GPALPP1: variants seen among roughly 807,000 people sequenced by gnomAD.
GPALPP1 encodes the protein GPALPP motifs-containing protein 1.
GPALPP1 carries 30 observed loss-of-function variants against 38.9 expected under a neutral mutation model. The ratio of observed to expected loss-of-function variants is 0.77; its 90% confidence interval spans 0.58 to 1.05. The LOEUF (loss-of-function observed/expected upper bound fraction) is 1.05, where lower values mean the gene tolerates loss of function less well. Ranked by LOEUF, GPALPP1 falls within the 50% of genes least tolerant of loss-of-function variation. GPALPP1 has a pLI of 0.00. For synonymous variants in GPALPP1, 120 were observed against 139.2 expected, an observed-to-expected ratio of 0.86 and a Z score of 0.97; for missense variants, 384 against 408.8, an observed-to-expected ratio of 0.94 and a Z score of 0.52.
intron 4 of GPALPP1, among the ~76,000 whole-genome samples, chr13:45,011,610 G>C (rs749217275): frequency 6.6e-6 from 1 of 152,048 alleles, no homozygotes; most frequent in African/African-American, 2.4e-5. Context: ...GAACAGGATG[G>C]GGGAAACCAC....
chr13:45,015,718 C>A, intron 6 of GPALPP1, 122 bp downstream of exon 6: 1 of 616,272 alleles, frequency 1.6e-6, no homozygotes, highest in Non-Finnish European at 2.5e-6. Context: ...AAGGATAATG[C>A]GGATTTTCCT....
chr13:45,028,751 G>A lies in GPALPP1; in HGVS notation c.*748G>A, dbSNP rs574734116. On this transcript the variant is annotated 3_prime_UTR_variant, in exon 8 of 8. Transcript: ENST00000379151. Reference sequence around the variant, plus strand: ...AGTCTGGGCAACAAAGTGAGACCTCGTCTCTTTAGAAAAAAAAAAAGAGGC... The same window carrying A: ...AGTCTGGGCAACAAAGTGAGACCTCATCTCTTTAGAAAAAAAAAAAGAGGC... 4.1e-5 allele frequency: 6 copies of A among 147,242 alleles called. No homozygotes were observed. Among genetic ancestry groups the A allele is most frequent in the South Asian group, 2.2e-4 (1 of 4,624 alleles). 9.1% of individuals were successfully genotyped at this position (147,242 alleles called of 1,614,324 possible). A position where few individuals can be genotyped will look rare whatever the true frequency, so the allele number is the denominator to read the frequency against.
chr13:45,017,016 A>G (rs537683003), intron 6 of GPALPP1, among the ~76,000 whole-genome samples: 2 of 152,320 alleles, frequency 1.3e-5, no homozygotes, highest in East Asian at 1.9e-4. Flanking sequence ...TTATAAATTC[A>G]TCAGTTCTGA....
intron 6 of GPALPP1, among the ~76,000 whole-genome samples, chr13:45,016,174 C>T (rs1003708866): frequency 1.3e-5 from 2 of 152,120 alleles, no homozygotes; most frequent in Admixed American, 6.5e-5. Flanking sequence ...AAATACCAGC[C>T]GGCCGCAGTG....
intron 3 of GPALPP1, among the ~76,000 whole-genome samples, chr13:45,008,435 G>T (rs1213397923): frequency 2.0e-5 from 3 of 151,904 alleles, no homozygotes; most frequent in African/African-American, 4.8e-5. Flanking sequence ...GAAAGCCAAG[G>T]CACAAAATAA....
chr13:44,995,043 G>A (rs989046299), intron 1 of GPALPP1, among the ~76,000 whole-genome samples: 8 of 151,940 alleles, frequency 5.3e-5, no homozygotes, highest in Middle Eastern at 3.4e-3. Context: ...GTAGAGAGAG[G>A]GTTTCTCCAT....
chr13:44,989,972 C>G (rs1215172851), intron 1 of GPALPP1: 9 of 589,252 alleles, frequency 1.5e-5, no homozygotes, highest in Non-Finnish European at 2.4e-5. Flanking sequence ...AATACATTCT[C>G]ATTTAGCCTT....
At chr13:45,027,254 T>C (rs1875899018) in intron 7 of GPALPP1, among the ~76,000 whole-genome samples, 1 of 152,100 alleles carries the variant, frequency 6.6e-6, no homozygotes. Flanking sequence ...AGACTTTGTC[T>C]TACTAGATAC....
chr13:45,035,628 C>T (rs1028084014), exon 8 of GPALPP1: 1 of 152,148 alleles, frequency 6.6e-6, no homozygotes, highest in Non-Finnish European at 1.5e-5. Context: ...AATTATTAGT[C>T]AAGTCTCTAG....
At chr13:44,998,460 C>T (rs1873446000) in intron 1 of GPALPP1, among the ~76,000 whole-genome samples, 1 of 152,218 alleles carries the variant, frequency 6.6e-6, no homozygotes, top group Non-Finnish European at 1.5e-5. Context: ...GCTTCCTTTT[C>T]AGTCCTAGTC....
intron 1 of GPALPP1, among the ~76,000 whole-genome samples, chr13:44,996,749 C>G (rs1177288996): frequency 7.0e-6 from 1 of 142,310 alleles, no homozygotes; most frequent in Non-Finnish European, 1.5e-5. Context: ...TCCCAAAGTA[C>G]TGGGATTACA....
In GPALPP1 at chr13:45,015,428, A is replaced by G; in HGVS notation, c.541-4A>G. 6.5e-7 allele frequency: 1 copy of G among 1,543,488 alleles called. No homozygotes were observed. Among genetic ancestry groups the G allele is most frequent in the Non-Finnish European group, 8.7e-7 (1 of 1,145,834 alleles). On this transcript the variant is annotated splice_region_variant and splice_polypyrimidine_tract_variant and intron_variant, in intron 5 of 7. Coordinates refer to ENST00000379151, the MANE Select transcript of GPALPP1 (RefSeq NM_018559.5). ...CTATGCTGTGTTTTTTTTTTCTCTT[A>G]AAGGATTCATCTAAACCCATTGTAA... is the stretch of plus-strand genomic sequence containing the variant.
intron 1 of GPALPP1, among the ~76,000 whole-genome samples, chr13:45,000,757 T>C (rs1723922449): frequency 6.6e-6 from 1 of 152,218 alleles, no homozygotes; most frequent in African/African-American, 2.4e-5. Context: ...CTCTAAATTA[T>C]AAATAAATTG....
chr13:45,010,234 T>G (rs1018651367), intron 4 of GPALPP1, among the ~76,000 whole-genome samples: 1 of 152,184 alleles, frequency 6.6e-6, no homozygotes, highest in African/African-American at 2.4e-5. Flanking sequence ...TCCAAGCCTA[T>G]GCAAAATGGT....
chr13:45,004,902 C>T (rs930444130), intron 2 of GPALPP1, among the ~76,000 whole-genome samples: 3 of 151,712 alleles, frequency 2.0e-5, no homozygotes, highest in Non-Finnish European at 2.9e-5. Context: ...GTGATCTGCC[C>T]GCCTCAGCCT....
intron 4 of GPALPP1, among the ~76,000 whole-genome samples, chr13:45,014,215 A>G (rs1362630786): frequency 1.3e-5 from 2 of 152,176 alleles, no homozygotes; most frequent in African/African-American, 4.8e-5. Context: ...CATAGTTTTA[A>G]AATTTCATTA....
Position 45,020,447 on chromosome 13 carries a change from T to A in GPALPP1, c.804+19T>A. 2 of 988,172 alleles carry A rather than the reference T, an allele frequency of 2.0e-6. No individual in the cohort carries two copies. Among genetic ancestry groups the A allele is most frequent in the Non-Finnish European group, 3.3e-6 (2 of 613,306 alleles). The allele number at this position is 988,172 out of a possible 1,614,324, so 61.2% of individuals were successfully genotyped here. On this transcript the variant is annotated intron_variant, in intron 7 of 7. Transcript: ENST00000379151. Reference sequence around the variant, plus strand: ...ATACAATGTAAGTAAGAAAATAAGATATATAGAGCCAGGTGTGATGGCTCT... The same window carrying A: ...ATACAATGTAAGTAAGAAAATAAGAAATATAGAGCCAGGTGTGATGGCTCT...
intron 3 of GPALPP1, among the ~76,000 whole-genome samples, chr13:45,007,637 CAA>C (rs1369326156): frequency 6.6e-6 from 1 of 152,104 alleles, no homozygotes; most frequent in African/African-American, 2.4e-5. Context: ...TGAATCAAGA[CAA>C]GAGATTATTA....
At chr13:45,020,665 A>G (rs1346748164) in intron 7 of GPALPP1, among the ~76,000 whole-genome samples, 1 of 150,386 alleles carries the variant, frequency 6.6e-6, no homozygotes, top group Non-Finnish European at 1.5e-5. Flanking sequence ...AGGAAGCCAG[A>G]AGCAAAATAT....
Sources: gnomAD v4.1 joint callset for allele counts (sites outside exome capture counted in the v4.1 genomes callset) on GRCh38, gnomAD v4.1.1 for gene constraint, MANE v1.5 for transcripts, NCBI Gene and HGNC (gene_info 2026-07-23, HGNC 2026-07-21) for gene names.